Variants in DAPK2 observed in about 807,000 individuals in gnomAD.
The protein encoded by DAPK2 is death associated protein kinase 2.
In DAPK2, 35 loss-of-function variants were observed where a neutral mutation model predicts 44.1. The ratio of observed to expected loss-of-function variants is 0.79; its 90% CI spans 0.61 to 1.05. The LOEUF (loss-of-function observed/expected upper bound fraction) is 1.05, where lower values mean the gene tolerates loss of function less well. Among genes scored for constraint, DAPK2 ranks in the 50% least tolerant of loss-of-function variants. DAPK2 has a pLI of 0.00. For synonymous variants in DAPK2, 174 were observed against 182.6 expected (o/e 0.95, Z 0.38); for missense variants, 453 against 483.2 (o/e 0.94, Z 0.59).
At chr15:63,962,900 T>C (rs28808148) in intron 3 of DAPK2, among the ~76,000 whole-genome samples, 19,383 of 152,276 alleles carry the variant, frequency 0.13, 1,512 homozygotes, top group African/African-American at 0.23. Flanking sequence ...ACGTTTAAGT[T>C]TGCAGAAGTT....
chr15:63,944,613 C>T (rs2077402151), intron 3 of DAPK2, among the ~76,000 whole-genome samples: 1 of 152,218 alleles, frequency 6.6e-6, no homozygotes, highest in East Asian at 1.9e-4. Context: ...CTCCATTTCA[C>T]AGATAAGAAA....
chr15:63,919,777 C>T (rs2079023329), intron 8 of DAPK2: 2 of 152,280 alleles, frequency 1.3e-5, no homozygotes, highest in African/African-American at 4.8e-5. Flanking sequence ...TGAGCCACCA[C>T]ACTGGGCCTG....
upstream of DAPK2, among the ~76,000 whole-genome samples, chr15:64,043,192 A>C (rs988687389): frequency 6.6e-6 from 1 of 152,172 alleles, no homozygotes; most frequent in Non-Finnish European, 1.5e-5. Flanking sequence ...GCTCTCAAAC[A>C]CTGCTGGGAG....
intron 2 of DAPK2, among the ~76,000 whole-genome samples, chr15:63,975,078 A>AG (rs2078307489): frequency 6.6e-6 from 1 of 152,182 alleles, no homozygotes; most frequent in African/African-American, 2.4e-5. Context: ...CAGTTGGTTG[A>AG]GGGGGCTTAG....
In DAPK2 at chr15:63,929,700, G is replaced by A. The variant is rs564463666; in HGVS notation, c.633-123C>T. 203 of 1,133,680 alleles carry A rather than the reference G, an allele frequency of 1.8e-4. No homozygotes were observed. In the Admixed American group the frequency reaches 1.9e-3, roughly 10 times the overall value. The allele number at this position is 1,133,680 out of a possible 1,614,324, so 70.2% of individuals were successfully genotyped here. On this transcript the variant is annotated intron_variant, in intron 5 of 10. Transcript: ENST00000261891. ...TCCTCCACAGCAGACCCTGGATGCC[G>A]TCTCATGCTCCACACCCATCTCCAT... is the stretch of plus-strand genomic sequence containing the variant.
At chr15:64,017,661 T>C (rs2079567490) in intron 1 of DAPK2, among the ~76,000 whole-genome samples, 2 of 152,244 alleles carry the variant, frequency 1.3e-5, no homozygotes, top group African/African-American at 4.8e-5. Flanking sequence ...AGCCTCGGTT[T>C]TCTCTTTTGT....
intron 1 of DAPK2, among the ~76,000 whole-genome samples, chr15:63,993,810 A>G (rs984968002): frequency 3.2e-4 from 48 of 152,282 alleles, no homozygotes; most frequent in African/African-American, 1.1e-3. Flanking sequence ...TCCTCATGCC[A>G]ATCCCTGTTA....
chr15:64,008,306 A>G (rs1409046724), intron 1 of DAPK2, among the ~76,000 whole-genome samples: 3 of 152,222 alleles, frequency 2.0e-5, no homozygotes, highest in Non-Finnish European at 4.4e-5. Flanking sequence ...AGCACTTTTC[A>G]TATATTGGCC....
chr15:64,034,329 T>C (rs186962076), intron 1 of DAPK2, among the ~76,000 whole-genome samples: 22 of 152,270 alleles, frequency 1.4e-4, no homozygotes, highest in East Asian at 5.8e-4. Flanking sequence ...GATGATCCCA[T>C]TGGGAGACTC....
intron 4 of DAPK2, among the ~76,000 whole-genome samples, chr15:63,934,305 G>A (rs1297960080): frequency 7.8e-6 from 1 of 127,492 alleles, no homozygotes; most frequent in Non-Finnish European, 1.6e-5. Context: ...CACCCAGGCT[G>A]GAGTGCAATG....
In DAPK2 at chr15:64,046,092, C is replaced by A. The variant is rs1459998252; in HGVS notation, c.-7+206G>T. ...TCAAAGTGCCAGGCTCCGGAGGGCG[C>A]CCCAGGGCAGCGGCGGGCAGCTCCC... is the stretch of plus-strand genomic sequence containing the variant. On this transcript the variant is annotated intron_variant, in intron 1 of 11. Coordinates refer to the DAPK2 transcript ENST00000457488. This position sits in a 1 kb window ranked among gnomAD's most constrained non-coding sequence, Gnocchi z 5.3. 1.3e-5 allele frequency among the ~76,000 whole-genome samples: 2 copies of A among 152,180 alleles called. No homozygotes were observed. Among genetic ancestry groups the A allele is most frequent in the Non-Finnish European group, 2.9e-5 (2 of 68,018 alleles).
chr15:64,014,586 A>G (rs1350698242), intron 1 of DAPK2, among the ~76,000 whole-genome samples: 1 of 152,226 alleles, frequency 6.6e-6, no homozygotes, highest in Non-Finnish European at 1.5e-5. Context: ...AACTGGAAAA[A>G]CAAGGCCTGA....
At chr15:63,924,048 A>G (rs10851734) in intron 8 of DAPK2, among the ~76,000 whole-genome samples, 39,680 of 151,962 alleles carry the variant, frequency 0.26, 6,417 homozygotes, top group Non-Finnish European at 0.35. Flanking sequence ...GCCTTCTCAC[A>G]TAACAGTTAA....
chr15:63,989,800 T>C (rs1463847193), intron 1 of DAPK2, among the ~76,000 whole-genome samples: 2 of 152,108 alleles, frequency 1.3e-5, no homozygotes, highest in African/African-American at 4.8e-5. Flanking sequence ...CAAGCAATTC[T>C]CCTGCCTCAG....
At chr15:63,997,122 T>C (rs779901599) in intron 1 of DAPK2, among the ~76,000 whole-genome samples, 11 of 152,054 alleles carry the variant, frequency 7.2e-5, no homozygotes, top group Non-Finnish European at 1.5e-4. Flanking sequence ...CTGTGCCATC[T>C]CCTCTGTCAT....
At chr15:63,964,467 C>A (rs2077995865) in intron 3 of DAPK2, among the ~76,000 whole-genome samples, 1 of 152,050 alleles carries the variant, frequency 6.6e-6, no homozygotes, top group South Asian at 2.1e-4. Context: ...TGTTCTATAA[C>A]CTTCCTGTAC....
intron 1 of DAPK2, among the ~76,000 whole-genome samples, chr15:64,034,925 C>T (rs1595920428): frequency 6.6e-6 from 1 of 152,108 alleles, no homozygotes; most frequent in South Asian, 2.1e-4. Flanking sequence ...CCCAGCACTT[C>T]GGGAGGCCGA....
intron 3 of DAPK2, among the ~76,000 whole-genome samples, chr15:63,949,485 G>A (rs541910435): frequency 2.0e-5 from 3 of 152,282 alleles, no homozygotes; most frequent in East Asian, 1.9e-4. Flanking sequence ...CAAAGCCAAC[G>A]GGTGAGGCTG....
At chr15:63,968,461 T>A (rs1472863540) in intron 3 of DAPK2, among the ~76,000 whole-genome samples, 4 of 152,236 alleles carry the variant, frequency 2.6e-5, no homozygotes, top group Admixed American at 6.5e-5. Context: ...CCAGCAGTTC[T>A]ACCTAGCAAC....
Sources: allele counts gnomAD v4.1 joint callset (sites outside exome capture counted in the v4.1 genomes callset), GRCh38; gene constraint gnomAD v4.1.1; non-coding constraint Gnocchi (gnomAD v3.1); transcripts MANE v1.5; gene names NCBI Gene and HGNC (gene_info 2026-07-23, HGNC 2026-07-21).